SECISBP2: variants seen among roughly 807,000 people sequenced by gnomAD.
SECISBP2 encodes the protein selenocysteine insertion sequence-binding protein 2.
SECISBP2 carries 96 observed loss-of-function variants against 98.2 expected under a neutral mutation model. That is an observed-to-expected ratio of 0.98 (90% CI 0.83 to 1.16). The LOEUF (loss-of-function observed/expected upper bound fraction) is 1.16. Among genes scored for constraint, SECISBP2 ranks in the 50% most tolerant of loss-of-function variants. The pLI is 0.00. For missense variants in SECISBP2, 1,046 were observed against 1,022.9 expected, an observed-to-expected ratio of 1.02 and a Z score of -0.31; for synonymous variants, 407 against 370.2, an observed-to-expected ratio of 1.10 and a Z score of -1.14.
At chr9:89,355,269 GT>G (rs1831893927) in intron 14 of SECISBP2, 1 of 985,322 alleles carries the variant, frequency 1.0e-6, no homozygotes, top group Non-Finnish European at 1.2e-6. Context: ...TAAAGACTGG[GT>G]GAGTATCCTG....
At chr9:89,349,747 A>G in intron 12 of SECISBP2, 29 bp from the exon 13 acceptor site, 8 of 1,613,864 alleles carry the variant, frequency 5.0e-6, no homozygotes, top group Non-Finnish European at 6.8e-6. Flanking sequence ...CCTCACAGAT[A>G]TCTGATGATG....
At chr9:89,328,621 A>T in intron 4 of SECISBP2, 39 bp from the exon 5 acceptor site, 1 of 1,564,408 alleles carries the variant, frequency 6.4e-7, no homozygotes, top group Non-Finnish European at 8.8e-7. Context: ...TCAAACAGTA[A>T]CTAAATTTTT....
intron 14 of SECISBP2, among the ~76,000 whole-genome samples, chr9:89,352,364 ACTT>A (rs575150470): frequency 4.6e-5 from 7 of 151,974 alleles, no homozygotes; most frequent in Non-Finnish European, 7.4e-5. Context: ...TTGTTTATGG[ACTT>A]CTTCTTGGGC....
At chr9:89,364,776 G>T in the SECISBP2 span, 2 of 152,406 alleles carry the variant, frequency 1.3e-5, no homozygotes, top group Non-Finnish European at 2.9e-5. Context: ...GAGAGATCAG[G>T]AGGGTGGGCG....
At chr9:89,347,083 G>C (rs992760272) in intron 11 of SECISBP2, 35 bp downstream of exon 11, 4 of 1,605,326 alleles carry the variant, frequency 2.5e-6, no homozygotes, top group African/African-American at 1.3e-5. Context: ...TGAGGCACTA[G>C]AAAACTTAGT....
At chr9:89,347,963 C>A in intron 11 of SECISBP2, 116 bp from the exon 12 acceptor site, 2 of 997,752 alleles carry the variant, frequency 2.0e-6, no homozygotes, top group Non-Finnish European at 3.0e-6. Context: ...TGGCTGCTCT[C>A]AGGGCACTAA....
Position 89,332,914 on chromosome 9 carries a change from ATAG to A in SECISBP2, c.810_812del (p.Ile270_Val271delinsMet), listed in dbSNP as rs752097541. ...TAATGTGTTTGCTTTTTAGGGTGAA[ATAG>A]TGGTGAAAAATAACCCAAATGAATC... On this transcript the variant is annotated inframe_deletion, in exon 6 of 17. Transcript: ENST00000375807. The A allele has an allele frequency of 3.1e-6, 5 of 1,613,482 alleles. No individual in the cohort carries two copies. Among genetic ancestry groups the A allele is most frequent in the Non-Finnish European group, 4.2e-6 (5 of 1,179,552 alleles).
At chr9:89,336,973 C>A (rs969654140) in intron 7 of SECISBP2, among the ~76,000 whole-genome samples, 1 of 151,894 alleles carries the variant, frequency 6.6e-6, no homozygotes, top group African/African-American at 2.4e-5. Flanking sequence ...GGGGTTTCAC[C>A]ATGTTGGTCA....
In SECISBP2 at chr9:89,356,649, T is replaced by C. The variant is rs927636596; in HGVS notation, c.2114-762T>C. The C allele has an allele frequency of 3.9e-5, 6 of 152,064 alleles. No homozygotes were observed. In the East Asian group the frequency reaches 1.2e-3, roughly 29 times the overall value. The allele number at this position is 152,064 out of a possible 1,614,324, so 9.4% of individuals were successfully genotyped here. On this transcript the variant is annotated intron_variant, in intron 14 of 16. Transcript: ENST00000375807. The stretch of plus-strand genomic sequence containing the variant: ...AATTTTTTTTCTTCTTTTTTTTTTT[T>C]GTAGAGACGGGATCTTACTATGTTG...
chr9:89,359,711 T>C (rs1021790639), downstream of SECISBP2: 1 of 152,196 alleles, frequency 6.6e-6, no homozygotes, highest in Non-Finnish European at 1.5e-5. Context: ...TTCCTATGTC[T>C]TAATTTACCT....
chr9:89,356,066 G>T (rs1832030375), intron 14 of SECISBP2, among the ~76,000 whole-genome samples: 1 of 152,206 alleles, frequency 6.6e-6, no homozygotes, highest in South Asian at 2.1e-4. Flanking sequence ...CCCCTGGGCT[G>T]CAGACCAGTA....
intron 2 of SECISBP2, chr9:89,324,223 CTT>C (rs1826300036): frequency 1.3e-5 from 2 of 152,214 alleles, no homozygotes; most frequent in Non-Finnish European, 2.9e-5. Flanking sequence ...CTTTGAGCCT[CTT>C]TTCTACAAAG....
chr9:89,335,259 A>G (rs1177036317), intron 7 of SECISBP2, among the ~76,000 whole-genome samples: 1 of 151,876 alleles, frequency 6.6e-6, no homozygotes, highest in Non-Finnish European at 1.5e-5. Flanking sequence ...TGTTATATAT[A>G]TGGTACTATC....
intron 5 of SECISBP2, chr9:89,329,146 C>T (rs963400560): frequency 4.6e-6 from 2 of 437,228 alleles, no homozygotes; most frequent in African/African-American, 4.0e-5. Context: ...CGGAGTCTCG[C>T]TCTGTCACCA....
intron 14 of SECISBP2, among the ~76,000 whole-genome samples, chr9:89,352,224 C>T (rs1205338805): frequency 1.3e-5 from 2 of 152,190 alleles, no homozygotes; most frequent in Non-Finnish European, 2.9e-5. Flanking sequence ...GCCTCAGTCT[C>T]CTCTAAGACG....
intron 1 of SECISBP2, 86 bp downstream of exon 1, chr9:89,318,698 G>C (rs1825130585): frequency 2.3e-6 from 3 of 1,312,696 alleles, no homozygotes; most frequent in East Asian, 6.3e-5. Flanking sequence ...GACGGGGCTG[G>C]TCCAGCGGGC....
At chr9:89,354,624 G>A (rs1007281901) in intron 14 of SECISBP2, among the ~76,000 whole-genome samples, 1 of 152,144 alleles carries the variant, frequency 6.6e-6, no homozygotes, top group Admixed American at 6.5e-5. Context: ...ACACCATAGA[G>A]GCACAGTGAG....
At chr9:89,364,277 G>GCATCC, downstream of SECISBP2, 1 of 408,972 alleles carries the variant, frequency 2.4e-6, no homozygotes, top group South Asian at 2.2e-5. Context: ...CCTTGGAACA[G>GCATCC]CATCCCACCC....
chr9:89,319,922 C>G lies in SECISBP2; in HGVS notation c.182+125C>G, dbSNP rs2131509542. ...AGATGATGAGAGAATGCTCTTCAACCAAGAAGAGTCTGAGCCAGTAGCACA... is the reference window on the plus strand; with the variant it reads ...AGATGATGAGAGAATGCTCTTCAACGAAGAAGAGTCTGAGCCAGTAGCACA... On this transcript the variant is annotated intron_variant, in intron 2 of 16. Coordinates refer to ENST00000375807, the MANE Select transcript of SECISBP2 (RefSeq NM_024077.5). The G allele has an allele frequency of 8.9e-6, 9 of 1,013,622 alleles. No homozygotes were observed. The South Asian group carries it at 1.2e-4, about 13-fold the overall frequency. 62.8% of individuals were successfully genotyped at this position (1,013,622 alleles called of 1,614,324 possible). A position where few individuals can be genotyped will look rare whatever the true frequency, so the allele number is the denominator to read the frequency against.
Sources: allele counts gnomAD v4.1 joint callset (sites outside exome capture counted in the v4.1 genomes callset), GRCh38; gene constraint gnomAD v4.1.1; transcripts MANE v1.5; gene names NCBI Gene and HGNC (gene_info 2026-07-23, HGNC 2026-07-21).